EPRS1: variants seen among roughly 807,000 people sequenced by gnomAD.
The protein encoded by EPRS1 is bifunctional glutamate/proline--tRNA ligase.
A neutral mutation model predicts 188.3 loss-of-function variants in EPRS1; 107 were observed. That is an observed-to-expected ratio of 0.57 (90% CI 0.49 to 0.67). EPRS1 has a LOEUF of 0.67. Among genes scored for constraint, EPRS1 ranks in the 30% least tolerant of loss-of-function variants. The pLI, the probability that EPRS1 is intolerant of heterozygous loss-of-function variation, is 0.00. For synonymous variants in EPRS1, 596 were observed against 593.1 expected, an observed-to-expected ratio of 1.00 and a Z score of -0.07; for missense variants, 1,577 against 1,802.2, an observed-to-expected ratio of 0.88 and a Z score of 2.26.
chr1:219,979,144 C>T lies in EPRS1; in HGVS notation c.3909+274G>A, dbSNP rs187345455. Among the ~76,000 whole-genome samples, 513 of 152,312 alleles carry T rather than the reference C, an allele frequency of 3.4e-3. 1 individual carries two copies. Among genetic ancestry groups the T allele is most frequent in the South Asian group, 0.011 (55 of 4,832 alleles). The stretch of plus-strand genomic sequence containing the variant: ...TGCTGGGATTACAGGCGTGAGCCTG[C>T]ATGCCCAGCTCATTTAACATACTAT... On this transcript the variant is annotated intron_variant, in intron 27 of 31. Coordinates refer to ENST00000366923, the MANE Select transcript of EPRS1 (RefSeq NM_004446.3).
intron 28 of EPRS1, among the ~76,000 whole-genome samples, chr1:219,975,874 A>G (rs962537710): frequency 6.6e-6 from 1 of 152,198 alleles, no homozygotes; most frequent in Non-Finnish European, 1.5e-5. Flanking sequence ...ATATATATAC[A>G]TATTCAGTAG....
intron 8 of EPRS1, among the ~76,000 whole-genome samples, chr1:220,023,563 G>A (rs922917091): frequency 6.6e-6 from 1 of 152,144 alleles, no homozygotes; most frequent in Non-Finnish European, 1.5e-5. Context: ...TACTGAGCTT[G>A]TACTATATAT....
rs1328810900 is a variant in EPRS1, at chr1:220,001,270, A to C, written c.2064-15T>G. 1 of 1,480,784 alleles carries C rather than the reference A, an allele frequency of 6.8e-7. No individual in the cohort carries two copies. The highest frequency in any genetic ancestry group is 9.4e-7 in the Non-Finnish European group (1 of 1,058,764). 91.7% of individuals were successfully genotyped at this position (1,480,784 alleles called of 1,614,324 possible). ...AACTATATGGGCTAAAAAGAAAATA[A>C]AGGGACAAAATAGTTTATTTGAACA... On this transcript the variant is annotated splice_polypyrimidine_tract_variant and intron_variant, in intron 16 of 31. Transcript: ENST00000366923.
chr1:219,988,019 A>G (rs962942562), intron 19 of EPRS1, among the ~76,000 whole-genome samples: 3 of 152,202 alleles, frequency 2.0e-5, no homozygotes, highest in Non-Finnish European at 4.4e-5. Flanking sequence ...ATTAAATTAC[A>G]TAAGTTGAAC....
At chr1:219,999,159 A>G (rs1055569171) in intron 17 of EPRS1, among the ~76,000 whole-genome samples, 5 of 152,158 alleles carry the variant, frequency 3.3e-5, no homozygotes, top group Admixed American at 1.3e-4. Context: ...ATGAGAATTT[A>G]ATTTTGATAG....
intron 16 of EPRS1, among the ~76,000 whole-genome samples, chr1:220,004,806 CCTT>C (rs772296359): frequency 2.0e-5 from 3 of 152,036 alleles, no homozygotes; most frequent in South Asian, 4.2e-4. Flanking sequence ...ATAGAGTTCT[CCTT>C]CTAATAATCC....
chr1:220,020,824 TTATATATATA>T (rs71169429), intron 9 of EPRS1, among the ~76,000 whole-genome samples: 2,819 of 108,828 alleles, frequency 0.026, 69 homozygotes, highest in East Asian at 0.058. Flanking sequence ...CAATTTGAAT[TTATATATATA>T]TATATATATA....
chr1:220,023,027 G>C (rs922999325), intron 8 of EPRS1, among the ~76,000 whole-genome samples: 4 of 152,204 alleles, frequency 2.6e-5, no homozygotes, highest in Non-Finnish European at 5.9e-5. Flanking sequence ...CTCAGGTTGA[G>C]AGTCTGAGCT....
intron 26 of EPRS1, 141 bp from the exon 27 acceptor site, chr1:219,979,756 T>C (rs1313866775): frequency 3.1e-6 from 2 of 642,156 alleles, no homozygotes; most frequent in Non-Finnish European, 5.3e-6. Flanking sequence ...TTTTTAATTA[T>C]AAGCATAATT....
chr1:219,998,428 T>C (rs1326534777), intron 17 of EPRS1, among the ~76,000 whole-genome samples: 1 of 152,222 alleles, frequency 6.6e-6, no homozygotes, highest in Non-Finnish European at 1.5e-5. Context: ...TATTTATTTT[T>C]AGTGAGATTC....
rs148025769 is a variant in EPRS1, at chr1:220,003,735, G to A, written c.2063+1513C>T. Among the ~76,000 whole-genome samples, 912 of 152,262 alleles carry A rather than the reference G, an allele frequency of 6.0e-3. 5 individuals are homozygous for A. Among genetic ancestry groups the A allele is most frequent in the Middle Eastern group, 0.014 (4 of 294 alleles). On this transcript the variant is annotated intron_variant, in intron 16 of 31. Transcript: ENST00000366923. ...CCACCACCATTACTAAATACTTAAG[G>A]AGGGCTTAGCAACTATTAGGCACTA...
In EPRS1 at chr1:219,980,762, C is replaced by G. The variant is rs574225406; in HGVS notation, c.3549G>C (p.Ala1183=). The G allele has an allele frequency of 6.2e-7, 1 of 1,605,004 alleles. No individual in the cohort carries two copies. The highest frequency in any genetic ancestry group is 1.1e-5 in the South Asian group (1 of 90,394). ...GGAAAATAACTTTTTATACCTCTTC[C>G]GCTGCCTCTTCCATGGTAGCAAAAG... The part of the protein sequence containing the change: ...HSAFATMEEA[A]EEVLQILDLY... Residue 1183 remains alanine, a synonymous_variant, in exon 25 of 32, where the codon GCG becomes GCC. Transcript: ENST00000366923.
At position 219,968,973 on chromosome 1, in the gene EPRS1, A is replaced by G. The variant is rs370238167; in HGVS notation, c.4389-17T>C. ...TCTTGATCCCTGAAATTAATAACAA[A>G]TAAGAATTCCACTCATTTATGCTGC... On this transcript the variant is annotated splice_polypyrimidine_tract_variant and intron_variant, in intron 31 of 31. Transcript: ENST00000366923. 4.3e-6 allele frequency: 7 copies of G among 1,613,784 alleles called. No individual in the cohort carries two copies. The African/African-American group carries it at 9.3e-5, about 22-fold the overall frequency.
chr1:220,010,948 T>A lies in EPRS1; in HGVS notation c.1603A>T (p.Lys535Ter). Residue 535 changes from lysine to a stop codon, truncating the protein, a stop_gained and splice_region_variant, in exon 13 of 32, where the codon AAG becomes TAG. Coordinates refer to ENST00000366923, the MANE Select transcript of EPRS1 (RefSeq NM_004446.3). LOFTEE classifies it high-confidence loss of function. ...ATTGGTGAAACTGTAAGAGTGACCTTTGGGTGTTTGGCTACTTCTTTCATC... is the reference window on the plus strand; with the variant it reads ...ATTGGTGAAACTGTAAGAGTGACCTATGGGTGTTTGGCTACTTCTTTCATC... ...EEMKEVAKHP[K>*]NPEVGLKPVW... 1 of 1,575,432 alleles carries A rather than the reference T, an allele frequency of 6.3e-7. No individual in the cohort carries two copies. The highest frequency in any genetic ancestry group is 1.1e-5 in the South Asian group (1 of 90,246).
Position 220,038,390 on chromosome 1 carries a change from C to CTTTT in EPRS1, c.131+1791_131+1794dup, listed in dbSNP as rs71169431. ...AGCCACCACACCCAGCTCAGTTTAT[C>CTTTT]TTTTTTTTTTTTTTTTTTGAGACAG... is the stretch of plus-strand genomic sequence containing the variant. On this transcript the variant is annotated intron_variant, in intron 2 of 31. Coordinates refer to ENST00000366923, the MANE Select transcript of EPRS1 (RefSeq NM_004446.3). Among the ~76,000 whole-genome samples the CTTTT allele has an allele frequency of 6.9e-4, 70 of 101,558 alleles. 7 individuals carry two copies. Among genetic ancestry groups the CTTTT allele is most frequent in the African/African-American group, 2.1e-3 (49 of 23,892 alleles). 66.6% of individuals were successfully genotyped at this position (101,558 alleles called of 152,430 possible). A position where few individuals can be genotyped will look rare whatever the true frequency, so the allele number is the denominator to read the frequency against.
chr1:220,008,295 A>T (rs1661535098), intron 13 of EPRS1, among the ~76,000 whole-genome samples: 1 of 152,074 alleles, frequency 6.6e-6, no homozygotes, highest in Non-Finnish European at 1.5e-5. Flanking sequence ...ATCTATATAG[A>T]TATAGATAAG....
At position 219,968,887 on chromosome 1, in the gene EPRS1, G is replaced by A. The variant is rs1192043276; in HGVS notation, c.4458C>T (p.Leu1486=). The change falls in exon 32 of 32, where the codon CTC becomes CTT. Residue 1486 remains leucine, a synonymous_variant. Coordinates refer to ENST00000366923, the MANE Select transcript of EPRS1 (RefSeq NM_004446.3). ...AKSLCIPFKP[L]CELQPGAKCV... ...ATTTGGCTCCAGGCTGCAGTTCACA[G>A]AGTGGTTTGAAGGGGATGCAAAGGC... is the stretch of plus-strand genomic sequence containing the variant. The A allele has an allele frequency of 3.1e-6, 5 of 1,614,012 alleles. No homozygotes were observed. The African/African-American group carries it at 6.7e-5, about 22-fold the overall frequency.
At chr1:220,020,824 TTATATATATATATATATATA>T (rs71169429) in intron 9 of EPRS1, among the ~76,000 whole-genome samples, 37,176 of 109,224 alleles carry the variant, frequency 0.34, 7,085 homozygotes, top group Middle Eastern at 0.42. Flanking sequence ...CAATTTGAAT[TTATATATATATATATATATA>T]TATATATATA....
intron 16 of EPRS1, among the ~76,000 whole-genome samples, chr1:220,001,993 C>T (rs907501287): frequency 1.2e-4 from 18 of 151,402 alleles, no homozygotes; most frequent in Admixed American, 7.9e-4. Context: ...CACACCACTG[C>T]ACTCCAGCCT....
Sources: gnomAD v4.1 joint callset for allele counts (sites outside exome capture counted in the v4.1 genomes callset) on GRCh38, gnomAD v4.1.1 for gene constraint, MANE v1.5 for transcripts, NCBI Gene and HGNC (gene_info 2026-07-23, HGNC 2026-07-21) for gene names.